The following FBXW4 variants were observed in gnomAD, a reference collection of about 807,000 sequenced individuals.
The protein encoded by FBXW4 is F-box/WD repeat-containing protein 4.
In FBXW4, 40 loss-of-function variants were observed where a neutral mutation model predicts 61.8. The observed-to-expected ratio is 0.65, with a 90% CI of 0.50 to 0.84. The LOEUF (loss-of-function observed/expected upper bound fraction) is 0.84, where lower values mean the gene tolerates loss of function less well. FBXW4 is among the 40% of genes least tolerant of loss of function. The pLI is 0.00. For synonymous variants in FBXW4, 311 were observed against 313.8 expected, an observed-to-expected ratio of 0.99 and a Z score of 0.10; for missense variants, 672 against 753.8, an observed-to-expected ratio of 0.89 and a Z score of 1.27.
intron 5 of FBXW4, among the ~76,000 whole-genome samples, chr10:101,628,223 G>A (rs374849676): frequency 2.0e-5 from 3 of 152,258 alleles, no homozygotes; most frequent in African/African-American, 7.2e-5. Flanking sequence ...AACCCAGCTC[G>A]GCTCAGAAAA....
chr10:101,650,810 G>A (rs948258895), intron 5 of FBXW4, among the ~76,000 whole-genome samples: 5 of 152,310 alleles, frequency 3.3e-5, no homozygotes, highest in African/African-American at 1.2e-4. Context: ...CCCAACACAG[G>A]CCCGCATTAA....
intron 5 of FBXW4, among the ~76,000 whole-genome samples, chr10:101,657,031 C>T (rs909477371): frequency 7.2e-5 from 11 of 152,258 alleles, no homozygotes; most frequent in South Asian, 6.2e-4. Flanking sequence ...CTAATATTCC[C>T]TTTGCAATTA....
chr10:101,650,726 T>C (rs7087836), intron 5 of FBXW4, among the ~76,000 whole-genome samples: 506 of 152,288 alleles, frequency 3.3e-3, no homozygotes, highest in African/African-American at 0.011. Flanking sequence ...CACCAGCCTC[T>C]AGGGCCGAAG....
chr10:101,623,228 C>T lies in FBXW4; in HGVS notation c.1301+1517G>A, dbSNP rs539904442. Among the ~76,000 whole-genome samples the T allele has an allele frequency of 2.2e-3, 332 of 152,150 alleles. 5 individuals carry two copies. Among genetic ancestry groups the T allele is most frequent in the Non-Finnish European group, 2.1e-3 (145 of 67,998 alleles). Reference sequence around the variant, plus strand: ...CTTGAGCCCAGGACTAGCCTGGGCACGATGGCAAACCCATCTCCAAAAAAC... The same window carrying T: ...CTTGAGCCCAGGACTAGCCTGGGCATGATGGCAAACCCATCTCCAAAAAAC... On this transcript the variant is annotated intron_variant, in intron 6 of 8. Transcript: ENST00000331272.
intron 4 of FBXW4, among the ~76,000 whole-genome samples, chr10:101,669,007 A>G (rs924930994): frequency 6.6e-6 from 1 of 152,192 alleles, no homozygotes; most frequent in Non-Finnish European, 1.5e-5. Flanking sequence ...TAAAGGAAAC[A>G]TTCCTTGAGT....
chr10:101,644,922 T>C (rs1056858745), intron 5 of FBXW4, among the ~76,000 whole-genome samples: 2 of 152,122 alleles, frequency 1.3e-5, no homozygotes, highest in Admixed American at 1.3e-4. Flanking sequence ...AGGTGAGCTA[T>C]ATTCAGGGGC....
intron 5 of FBXW4, among the ~76,000 whole-genome samples, chr10:101,630,810 G>A (rs1453381688): frequency 6.6e-6 from 1 of 152,184 alleles, no homozygotes; most frequent in Non-Finnish European, 1.5e-5. Flanking sequence ...AAATAGATGT[G>A]ATGGGAAGGG....
intron 6 of FBXW4, among the ~76,000 whole-genome samples, chr10:101,620,307 T>C (rs2063858167): frequency 6.6e-6 from 1 of 152,222 alleles, no homozygotes; most frequent in South Asian, 2.1e-4. Flanking sequence ...CATGGCTTTA[T>C]TATCTACTTG....
intron 5 of FBXW4, among the ~76,000 whole-genome samples, chr10:101,635,319 T>C (rs971002668): frequency 2.0e-5 from 3 of 150,644 alleles, no homozygotes; most frequent in African/African-American, 7.4e-5. Flanking sequence ...TTATGGTGAG[T>C]TGTATAATTA....
intron 1 of FBXW4, among the ~76,000 whole-genome samples, chr10:101,676,887 A>C (rs2064416342): frequency 1.3e-5 from 2 of 152,202 alleles, no homozygotes; most frequent in Non-Finnish European, 2.9e-5. Flanking sequence ...TTCTTAGGAC[A>C]CAGAAAGCAA....
chr10:101,650,784 C>G (rs2064138791), intron 5 of FBXW4, among the ~76,000 whole-genome samples: 1 of 152,240 alleles, frequency 6.6e-6, no homozygotes, highest in African/African-American at 2.4e-5. Context: ...TGAGGCCCCC[C>G]AGCCTGGCCT....
chr10:101,616,355 T>C (rs2063826512), intron 6 of FBXW4, among the ~76,000 whole-genome samples: 1 of 152,212 alleles, frequency 6.6e-6, no homozygotes, highest in African/African-American at 2.4e-5. Flanking sequence ...TTGTGCTTAA[T>C]GGAAACTACA....
At chr10:101,617,651 T>C (rs1333034093) in intron 6 of FBXW4, among the ~76,000 whole-genome samples, 1 of 152,190 alleles carries the variant, frequency 6.6e-6, no homozygotes, top group Non-Finnish European at 1.5e-5. Context: ...CAGCCCACTT[T>C]GTACTGCTAA....
In FBXW4 at chr10:101,637,274, C is replaced by T. The variant is rs539162474; in HGVS notation, c.1236-12464G>A. Among the ~76,000 whole-genome samples, 12 of 150,132 alleles carry T rather than the reference C, an allele frequency of 8.0e-5. No individual in the cohort carries two copies. In the East Asian group the frequency reaches 2.2e-3, roughly 27 times the overall value. Reference sequence around the variant, plus strand: ...GGGCGTGGTGGTGGGCACCTGTAGTCCCAGCTACTTGGGAGGCTGAGGCAG... The same window carrying T: ...GGGCGTGGTGGTGGGCACCTGTAGTTCCAGCTACTTGGGAGGCTGAGGCAG... On this transcript the variant is annotated intron_variant, in intron 5 of 8. Transcript: ENST00000331272.
chr10:101,628,930 G>A (rs1276122190), intron 5 of FBXW4, among the ~76,000 whole-genome samples: 4 of 152,094 alleles, frequency 2.6e-5, no homozygotes, highest in South Asian at 2.1e-4. Flanking sequence ...TGCCTTACTC[G>A]TCCCCTGGCC....
intron 6 of FBXW4, among the ~76,000 whole-genome samples, chr10:101,621,035 G>A (rs777923927): frequency 2.0e-5 from 3 of 152,128 alleles, no homozygotes; most frequent in Non-Finnish European, 4.4e-5. Context: ...CCCGCCACCC[G>A]GCTTGTGTGT....
At chr10:101,614,013 C>T (rs2063808293) in intron 6 of FBXW4, among the ~76,000 whole-genome samples, 1 of 152,244 alleles carries the variant, frequency 6.6e-6, no homozygotes, top group Admixed American at 6.5e-5. Flanking sequence ...ACCTTGGCTC[C>T]CAGAGAAGCC....
In FBXW4 at chr10:101,677,137, G is replaced by T. The variant is rs536857812; in HGVS notation, c.726-701C>A. Among the ~76,000 whole-genome samples, 9 of 152,262 alleles carry T rather than the reference G, an allele frequency of 5.9e-5. No homozygotes were observed. The East Asian group carries it at 1.2e-3, about 20-fold the overall frequency. The stretch of plus-strand genomic sequence containing the variant: ...AATGGTACAGCCATTTTGGGAAAAG[G>T]TCTGGCAGTTTATTATAAATCTAAA... On this transcript the variant is annotated intron_variant, in intron 1 of 8. Transcript: ENST00000331272.
At chr10:101,680,449 A>G (rs1288879147) in intron 1 of FBXW4, among the ~76,000 whole-genome samples, 4 of 152,234 alleles carry the variant, frequency 2.6e-5, no homozygotes, top group East Asian at 3.9e-4. Flanking sequence ...CACTGTAGAT[A>G]TAAGTTTTCT....
Sources: allele counts gnomAD v4.1 joint callset (sites outside exome capture counted in the v4.1 genomes callset), GRCh38; gene constraint gnomAD v4.1.1; transcripts MANE v1.5; gene names NCBI Gene and HGNC (gene_info 2026-07-23, HGNC 2026-07-21).